The following LRRC69 variants were observed in gnomAD, a reference collection of about 807,000 sequenced individuals.
LRRC69 encodes the protein leucine rich repeat containing 69.
A neutral mutation model predicts 37.8 loss-of-function variants in LRRC69; 42 were observed. The observed-to-expected ratio is 1.11, with a 90% confidence interval of 0.87 to 1.44. LRRC69 has a LOEUF of 1.44. LRRC69 is among the 40% of genes most tolerant of loss of function. The pLI is 0.00. For missense variants in LRRC69, 357 were observed against 401.9 expected (o/e 0.89, Z 0.96); for synonymous variants, 141 against 143.1 (o/e 0.99, Z 0.11).
At chr8:91,104,103 A>C (rs1353058761) in intron 1 of LRRC69, among the ~76,000 whole-genome samples, 1 of 151,974 alleles carries the variant, frequency 6.6e-6, no homozygotes, top group East Asian at 1.9e-4. Context: ...CAGTTATATT[A>C]ATGTATCTAT....
intron 1 of LRRC69, among the ~76,000 whole-genome samples, chr8:91,119,612 A>G (rs1813580212): frequency 6.6e-6 from 1 of 152,014 alleles, no homozygotes; most frequent in Non-Finnish European, 1.5e-5. Context: ...CTTGGGAGCT[A>G]ACTTGGATGA....
At chr8:91,155,308 T>C (rs930887380) in intron 5 of LRRC69, among the ~76,000 whole-genome samples, 2 of 151,038 alleles carry the variant, frequency 1.3e-5, no homozygotes, top group African/African-American at 4.8e-5. Context: ...TTTAAAACTT[T>C]CTATTACATA....
chr8:91,211,244 C>T (rs868833050), intron 7 of LRRC69, among the ~76,000 whole-genome samples: 27 of 151,088 alleles, frequency 1.8e-4, no homozygotes, highest in Middle Eastern at 3.4e-3. Flanking sequence ...TGGATTCTAG[C>T]GTTATTAAAA....
intron 5 of LRRC69, among the ~76,000 whole-genome samples, chr8:91,177,797 T>C (rs191296670): frequency 6.6e-6 from 1 of 152,182 alleles, no homozygotes; most frequent in Non-Finnish European, 1.5e-5. Context: ...TATCTCAGTC[T>C]CTTTCCAGAC....
chr8:91,164,282 A>T (rs1808993147), intron 5 of LRRC69, among the ~76,000 whole-genome samples: 1 of 151,664 alleles, frequency 6.6e-6, no homozygotes, highest in Non-Finnish European at 1.5e-5. Context: ...AATGAGGGTT[A>T]AAAACTAACT....
At chr8:91,198,575 T>G (rs991183300) in intron 6 of LRRC69, among the ~76,000 whole-genome samples, 1 of 74,486 alleles carries the variant, frequency 1.3e-5, no homozygotes, top group African/African-American at 6.2e-5. Flanking sequence ...AACTCAAAAA[T>G]TATAAGGAAA....
intron 1 of LRRC69, among the ~76,000 whole-genome samples, chr8:91,119,816 G>T (rs1019527605): frequency 2.0e-5 from 3 of 151,900 alleles, no homozygotes; most frequent in Non-Finnish European, 4.4e-5. Context: ...CTACTTATCT[G>T]ATCCTCACTC....
intron 5 of LRRC69, among the ~76,000 whole-genome samples, chr8:91,170,006 C>A (rs1223114721): frequency 2.9e-5 from 3 of 102,232 alleles, no homozygotes; most frequent in Admixed American, 2.7e-4. Flanking sequence ...GTCTTTACAG[C>A]AGCATGATTT....
chr8:91,145,294 A>C (rs1808598438), intron 5 of LRRC69, among the ~76,000 whole-genome samples: 1 of 151,976 alleles, frequency 6.6e-6, no homozygotes, highest in South Asian at 2.1e-4. Flanking sequence ...ACATCCCTGA[A>C]TATCTCCACA....
chr8:91,195,391 G>A (rs1302500017), intron 6 of LRRC69, among the ~76,000 whole-genome samples: 1 of 151,132 alleles, frequency 6.6e-6, no homozygotes, highest in Non-Finnish European at 1.5e-5. Flanking sequence ...TCAATTCCTG[G>A]GTATCCTTGT....
At chr8:91,169,397 C>G (rs947775909) in intron 5 of LRRC69, among the ~76,000 whole-genome samples, 2 of 151,660 alleles carry the variant, frequency 1.3e-5, no homozygotes, top group Non-Finnish European at 2.9e-5. Flanking sequence ...TACCCTTGAA[C>G]CTAAAATAAA....
At chr8:91,206,612 C>T in intron 7 of LRRC69, 2 of 1,174,426 alleles carry the variant, frequency 1.7e-6, no homozygotes, top group Non-Finnish European at 2.2e-6. Flanking sequence ...AGACAAGTTG[C>T]CATGTTTAAT....
chr8:91,195,639 C>A (rs556216668), intron 6 of LRRC69, among the ~76,000 whole-genome samples: 1 of 152,068 alleles, frequency 6.6e-6, no homozygotes, highest in African/African-American at 2.4e-5. Context: ...GGTTTAAAGT[C>A]TGTTTTATCA....
intron 6 of LRRC69, among the ~76,000 whole-genome samples, chr8:91,196,268 GC>G (rs1272227908): frequency 2.0e-5 from 3 of 151,868 alleles, no homozygotes; most frequent in African/African-American, 7.3e-5. Flanking sequence ...CTCTCTGGCT[GC>G]CCTTAACATT....
intron 7 of LRRC69, among the ~76,000 whole-genome samples, chr8:91,211,272 T>C (rs1303993458): frequency 6.6e-6 from 1 of 152,004 alleles, no homozygotes; most frequent in African/African-American, 2.4e-5. Context: ...GCTAATAATA[T>C]CTAGTAAGTA....
chr8:91,135,265 A>C (rs1813889279), intron 4 of LRRC69, among the ~76,000 whole-genome samples: 1 of 152,104 alleles, frequency 6.6e-6, no homozygotes, highest in Admixed American at 6.6e-5. Flanking sequence ...TCTAGCTGTT[A>C]GCTCTTTCAG....
At chr8:91,117,360 G>C (rs1021436648) in intron 1 of LRRC69, among the ~76,000 whole-genome samples, 4 of 151,928 alleles carry the variant, frequency 2.6e-5, no homozygotes, top group Non-Finnish European at 5.9e-5. Flanking sequence ...GGATTTTTAA[G>C]ACTAAAACTT....
chr8:91,191,163 A>G lies in LRRC69; in HGVS notation c.753+1540A>G, dbSNP rs1302247665. Among the ~76,000 whole-genome samples, 18 of 152,046 alleles carry G rather than the reference A, an allele frequency of 1.2e-4. No individual in the cohort carries two copies. The East Asian group carries it at 2.7e-3, about 23-fold the overall frequency. ...TAAAAATGTAACTGCTGGGCCAAAGAACTGACATCTTGTAAAGTTTGATTT... is the reference window on the plus strand; with the variant it reads ...TAAAAATGTAACTGCTGGGCCAAAGGACTGACATCTTGTAAAGTTTGATTT... On this transcript the variant is annotated intron_variant, in intron 6 of 7. Transcript: ENST00000448384.
intron 5 of LRRC69, among the ~76,000 whole-genome samples, chr8:91,164,876 T>G (rs1051297060): frequency 2.0e-5 from 3 of 151,714 alleles, no homozygotes; most frequent in Admixed American, 1.3e-4. Context: ...TGTATTGTTC[T>G]TGACTGTTCG....
Sources: allele counts gnomAD v4.1 joint callset (sites outside exome capture counted in the v4.1 genomes callset), GRCh38; gene constraint gnomAD v4.1.1; transcripts MANE v1.5; gene names NCBI Gene and HGNC (gene_info 2026-07-23, HGNC 2026-07-21).